The following PPP1R9A variants were observed in gnomAD, a reference collection of about 807,000 sequenced individuals.
The protein encoded by PPP1R9A is neurabin-1.
In PPP1R9A, 59 loss-of-function variants were observed where a neutral mutation model predicts 141.9. The observed-to-expected ratio is 0.42, with a 90% CI of 0.34 to 0.52. The LOEUF (loss-of-function observed/expected upper bound fraction) is 0.52. Among genes scored for constraint, PPP1R9A ranks in the 20% least tolerant of loss-of-function variants. The pLI is 0.10. For missense variants in PPP1R9A, 1,444 were observed against 1,611.9 expected, an observed-to-expected ratio of 0.90 and a Z score of 1.78; for synonymous variants, 500 against 569.7, an observed-to-expected ratio of 0.88 and a Z score of 1.74.
At chr7:95,275,827 G>A (rs534542619) in intron 16 of PPP1R9A, among the ~76,000 whole-genome samples, 4 of 152,134 alleles carry the variant, frequency 2.6e-5, no homozygotes, top group East Asian at 1.9e-4. Context: ...CATAATGGGC[G>A]GGAGATGAGG....
chr7:95,140,485 G>T (rs1826456546), intron 4 of PPP1R9A, among the ~76,000 whole-genome samples: 1 of 152,064 alleles, frequency 6.6e-6, no homozygotes, highest in South Asian at 2.1e-4. Context: ...TTGCCTCCTG[G>T]GTTCAAGTGA....
intron 7 of PPP1R9A, among the ~76,000 whole-genome samples, chr7:95,205,130 G>GT: frequency 6.6e-6 from 1 of 152,142 alleles, no homozygotes; most frequent in Admixed American, 6.5e-5. Context: ...AATACACTGT[G>GT]TACAGACAGA....
At chr7:95,199,178 C>T (rs1213375694) in intron 6 of PPP1R9A, among the ~76,000 whole-genome samples, 2 of 152,140 alleles carry the variant, frequency 1.3e-5, no homozygotes, top group Non-Finnish European at 2.9e-5. Context: ...AATACAGATG[C>T]TGGTCTATTT....
At chr7:95,100,689 GGAA>G (rs904559588) in intron 2 of PPP1R9A, among the ~76,000 whole-genome samples, 5 of 152,196 alleles carry the variant, frequency 3.3e-5, no homozygotes, top group African/African-American at 9.6e-5. Context: ...GGAAAAGCTG[GGAA>G]GAAGATCTAT....
intron 2 of PPP1R9A, among the ~76,000 whole-genome samples, chr7:95,030,873 C>T (rs1807577183): frequency 6.6e-6 from 1 of 152,114 alleles, no homozygotes; most frequent in African/African-American, 2.4e-5. Flanking sequence ...GCATAGGCAC[C>T]AAGGATTCAG....
At chr7:95,024,895 G>C (rs1054844395) in intron 2 of PPP1R9A, among the ~76,000 whole-genome samples, 1 of 152,130 alleles carries the variant, frequency 6.6e-6, no homozygotes, top group African/African-American at 2.4e-5. Context: ...AATTTGGTAT[G>C]TTTTTGCAGT....
chr7:94,934,867 T>C (rs907274471), intron 2 of PPP1R9A, among the ~76,000 whole-genome samples: 19 of 148,156 alleles, frequency 1.3e-4, no homozygotes, highest in Non-Finnish European at 2.1e-4. Flanking sequence ...CACACACACA[T>C]ATATTTTAAG....
At chr7:95,239,481 C>T (rs913909187) in intron 8 of PPP1R9A, among the ~76,000 whole-genome samples, 4 of 152,064 alleles carry the variant, frequency 2.6e-5, no homozygotes, top group Non-Finnish European at 5.9e-5. Flanking sequence ...ATCACGTTAG[C>T]CTGGGAGGTA....
In PPP1R9A at chr7:95,076,585, C is replaced by T. The variant is rs147152494; in HGVS notation, c.1396-34674C>T. On this transcript the variant is annotated intron_variant, in intron 2 of 19. Coordinates refer to ENST00000433360, the MANE Select transcript of PPP1R9A (RefSeq NM_001166160.2). ...TTTTCTCTTATATCTAGCTGCTCTCCCCCAATACTATTTTTATTAAAAAAT... is the reference window on the plus strand; with the variant it reads ...TTTTCTCTTATATCTAGCTGCTCTCTCCCAATACTATTTTTATTAAAAAAT... Among the ~76,000 whole-genome samples, 984 of 152,132 alleles carry T rather than the reference C, an allele frequency of 6.5e-3. 11 individuals are homozygous for T. The highest frequency in any genetic ancestry group is 0.023 in the African/African-American group (937 of 41,518).
intron 2 of PPP1R9A, among the ~76,000 whole-genome samples, chr7:95,065,593 A>C (rs982487522): frequency 2.0e-5 from 3 of 152,110 alleles, no homozygotes; most frequent in African/African-American, 4.8e-5. Context: ...GTCTGTTGTG[A>C]CTGGAGTCAT....
At chr7:94,919,840 G>A (rs905816612) in intron 2 of PPP1R9A, among the ~76,000 whole-genome samples, 2 of 151,976 alleles carry the variant, frequency 1.3e-5, no homozygotes, top group African/African-American at 2.4e-5. Flanking sequence ...TGGTAACATC[G>A]AGAGGTACTT....
At chr7:95,082,858 C>G (rs1264091679) in intron 2 of PPP1R9A, among the ~76,000 whole-genome samples, 2 of 149,212 alleles carry the variant, frequency 1.3e-5, no homozygotes, top group African/African-American at 5.0e-5. Flanking sequence ...TGGGTTCACG[C>G]CATTCTCCTG....
At position 95,282,341 on chromosome 7, in the gene PPP1R9A, A is replaced by T. The variant is rs535285871; in HGVS notation, c.3297-1677A>T. On this transcript the variant is annotated intron_variant, in intron 16 of 19. Transcript: ENST00000433360. ...AGCGAGACCCTGTCTCAAAAAAAAG[A>T]AAACAGAAGTTGAATTGTGGGTGCA... 1.5e-4 allele frequency among the ~76,000 whole-genome samples: 23 copies of T among 152,276 alleles called. 1 individual carries two copies. The South Asian group carries it at 4.8e-3, about 32-fold the overall frequency.
At chr7:95,025,048 C>T (rs966592585) in intron 2 of PPP1R9A, among the ~76,000 whole-genome samples, 1 of 151,822 alleles carries the variant, frequency 6.6e-6, no homozygotes, top group African/African-American at 2.4e-5. Context: ...CTTAGTTTGG[C>T]TGGGTATGAA....
At chr7:95,131,997 G>A (rs1340165561) in intron 4 of PPP1R9A, among the ~76,000 whole-genome samples, 2 of 151,996 alleles carry the variant, frequency 1.3e-5, no homozygotes, top group South Asian at 4.2e-4. Flanking sequence ...AACATGAGTG[G>A]TATTGATGTA....
At chr7:95,016,082 C>T (rs1360532774) in intron 2 of PPP1R9A, among the ~76,000 whole-genome samples, 2 of 151,828 alleles carry the variant, frequency 1.3e-5, no homozygotes, top group East Asian at 1.9e-4. Flanking sequence ...GAAAATCTTG[C>T]CTAGATAGAT....
In PPP1R9A at chr7:95,225,953, C is replaced by G. The variant is rs773228260; in HGVS notation, c.1957-8C>G. 6.3e-7 allele frequency: 1 copy of G among 1,591,276 alleles called. No homozygotes were observed. On this transcript the variant is annotated splice_region_variant and splice_polypyrimidine_tract_variant and intron_variant, in intron 7 of 19. Transcript: ENST00000433360. Reference sequence around the variant, plus strand: ...ACAGCTGGATTTCTGAAATCCCCTTCCTTTCAGACAGGAGAATATGCCACA... The same window carrying G: ...ACAGCTGGATTTCTGAAATCCCCTTGCTTTCAGACAGGAGAATATGCCACA...
chr7:94,986,379 A>G (rs909121565), intron 2 of PPP1R9A, among the ~76,000 whole-genome samples: 3 of 152,148 alleles, frequency 2.0e-5, no homozygotes, highest in African/African-American at 7.2e-5. Flanking sequence ...ATACTAAGTG[A>G]ACTAAGTCAG....
chr7:95,289,108 TCCACTCTTCCTTACACA>T (rs1805897907), intron 19 of PPP1R9A, among the ~76,000 whole-genome samples: 3 of 152,158 alleles, frequency 2.0e-5, no homozygotes, highest in Admixed American at 6.5e-5. Flanking sequence ...CTCCTTCACC[TCCACTCTTCCTTACACA>T]CCACTCCCAA....
Sources: allele counts gnomAD v4.1 joint callset (sites outside exome capture counted in the v4.1 genomes callset), GRCh38; gene constraint gnomAD v4.1.1; transcripts MANE v1.5; gene names NCBI Gene and HGNC (gene_info 2026-07-23, HGNC 2026-07-21).